Variants in TESPA1 observed in about 807,000 individuals in gnomAD.
TESPA1 encodes thymocyte expressed, positive selection associated 1.
In TESPA1, 33 loss-of-function variants were observed where a neutral mutation model predicts 57.9. The ratio of observed to expected loss-of-function variants is 0.57; its 90% CI spans 0.43 to 0.76. The LOEUF is 0.76. Among genes scored for constraint, TESPA1 ranks in the 30% least tolerant of loss-of-function variants. TESPA1 has a pLI of 0.00. For missense variants in TESPA1, 618 were observed against 632.9 expected, an observed-to-expected ratio of 0.98 and a Z score of 0.25; for synonymous variants, 227 against 228.9, an observed-to-expected ratio of 0.99 and a Z score of 0.07.
chr12:54,950,543 G>A (rs1402258207), intron 10 of TESPA1, among the ~76,000 whole-genome samples, 153 bp from the exon 11 acceptor site: 3 of 152,208 alleles, frequency 2.0e-5, no homozygotes, highest in Non-Finnish European at 4.4e-5. Context: ...AAAGAGTCAT[G>A]TGACTTGGGG....
At chr12:54,982,762 G>A (rs191763107) in intron 1 of TESPA1, among the ~76,000 whole-genome samples, 10 of 152,302 alleles carry the variant, frequency 6.6e-5, no homozygotes, top group African/African-American at 1.2e-4. Context: ...CTGTGAATTC[G>A]TATCTTTAAT....
intron 3 of TESPA1, 184 bp from the exon 4 acceptor site, chr12:54,968,076 TG>T: frequency 2.1e-6 from 3 of 1,437,302 alleles, no homozygotes; most frequent in Non-Finnish European, 2.8e-6. Flanking sequence ...TAGAAGTAGT[TG>T]GGGAAACTGG....
Position 54,949,481 on chromosome 12 carries a change from T to C in TESPA1, c.*911A>G, listed in dbSNP as rs1442576519. 2.6e-5 allele frequency: 4 copies of C among 152,024 alleles called. No individual in the cohort carries two copies. The highest frequency in any genetic ancestry group is 9.7e-5 in the African/African-American group (4 of 41,382). The allele number at this position is 152,024 out of a possible 1,614,324, so 9.4% of individuals were successfully genotyped here. On this transcript the variant is annotated 3_prime_UTR_variant, in exon 11 of 11. Transcript: ENST00000449076. ...ACTTCTCCCATTCTATTAATATTAA[T>C]ATTTTCTCAGGGGAGAAATGTGTCC...
rs1951963216 is a variant in TESPA1, at chr12:54,973,424, T to C, written c.206+53A>G. 8.7e-6 allele frequency: 14 copies of C among 1,612,446 alleles called. No homozygotes were observed. In the Admixed American group the frequency reaches 2.0e-4, roughly 23 times the overall value. Reference sequence around the variant, plus strand: ...CTGAGTTTCCAGGAGTTGTGTCTGTTAGCAAATTCAACCATCAGCCACATA... The same window carrying C: ...CTGAGTTTCCAGGAGTTGTGTCTGTCAGCAAATTCAACCATCAGCCACATA... On this transcript the variant is annotated intron_variant, in intron 3 of 10. Transcript: ENST00000449076.
chr12:54,966,488 C>T (rs757017645), intron 5 of TESPA1, 64 bp from the exon 6 acceptor site: 2 of 1,568,554 alleles, frequency 1.3e-6, no homozygotes, highest in Non-Finnish European at 1.7e-6. Context: ...CCTGTGTTGC[C>T]CCTCTGAACC....
At chr12:54,981,570 T>C (rs1320269238) in intron 1 of TESPA1, among the ~76,000 whole-genome samples, 1 of 139,896 alleles carries the variant, frequency 7.1e-6, no homozygotes, top group Non-Finnish European at 1.5e-5. Flanking sequence ...TAAAGTATAA[T>C]ATATTAAAAA....
chr12:54,954,796 C>CTG (rs1950630021), intron 10 of TESPA1, among the ~76,000 whole-genome samples: 1 of 152,184 alleles, frequency 6.6e-6, no homozygotes, highest in African/African-American at 2.4e-5. Context: ...TAATATTTCA[C>CTG]TGTATATATA....
chr12:54,970,411 T>G (rs1256247659), intron 3 of TESPA1, among the ~76,000 whole-genome samples: 1 of 152,234 alleles, frequency 6.6e-6, no homozygotes, highest in African/African-American at 2.4e-5. Context: ...CTTGTATTCA[T>G]TGGATACAAG....
At chr12:54,968,968 T>C (rs796468854) in intron 3 of TESPA1, among the ~76,000 whole-genome samples, 7 of 148,866 alleles carry the variant, frequency 4.7e-5, no homozygotes, top group African/African-American at 1.7e-4. Context: ...CAAATATCTG[T>C]AGGTCAAGTT....
intron 1 of TESPA1, among the ~76,000 whole-genome samples, chr12:54,977,356 A>T (rs1952172745): frequency 6.6e-6 from 1 of 152,190 alleles, no homozygotes; most frequent in South Asian, 2.1e-4. Context: ...GCAAAACAGT[A>T]ACAATAAGCT....
Position 54,949,723 on chromosome 12 carries a change from A to C in TESPA1, c.*669T>G, listed in dbSNP as rs1394661488. Reference sequence around the variant, plus strand: ...GGAGAAGAGACTCTGAATCCTACTTATCTCTTTTTCTATAAAGATGCAAAA... The same window carrying C: ...GGAGAAGAGACTCTGAATCCTACTTCTCTCTTTTTCTATAAAGATGCAAAA... On this transcript the variant is annotated 3_prime_UTR_variant, in exon 11 of 11. Transcript: ENST00000449076. The C allele has an allele frequency of 6.6e-6, 1 of 152,578 alleles. No individual in the cohort carries two copies. Among genetic ancestry groups the C allele is most frequent in the Non-Finnish European group, 1.5e-5 (1 of 68,040 alleles). The allele number at this position is 152,578 out of a possible 1,614,324, so 9.5% of individuals were successfully genotyped here. A position where few individuals can be genotyped will look rare whatever the true frequency, so the allele number is the denominator to read the frequency against.
In TESPA1 at chr12:54,974,450, T is replaced by G; in HGVS notation, c.113A>C (p.Gln38Pro). 6.2e-7 allele frequency: 1 copy of G among 1,610,400 alleles called. No homozygotes were observed. The highest frequency in any genetic ancestry group is 8.5e-7 in the Non-Finnish European group (1 of 1,178,416). The change falls in exon 2 of 11, where the codon CAG (glutamine) becomes CCG (proline). Residue 38 changes from glutamine (Q) to proline (P), a missense_variant. Gln to Pro is a moderately conservative substitution (Grantham distance 76). Transcript: ENST00000449076. ...VLEEEAAAALQDVPDPEPSSL... is the reference protein window; with the variant it reads ...VLEEEAAAALPDVPDPEPSSL... ...GGAAGGCTCAGGATCTGGGACATCC[T>G]GCAGGGCGGCGGCAGCCTCCTCTTC...
At chr12:54,967,356 A>G (rs1951507838) in intron 4 of TESPA1, 120 bp from the exon 5 acceptor site, 2 of 1,100,392 alleles carry the variant, frequency 1.8e-6, no homozygotes, top group Non-Finnish European at 2.7e-6. Flanking sequence ...GCACAACCAG[A>G]TAATCATACT....
chr12:54,976,463 G>A (rs533609020), intron 1 of TESPA1, among the ~76,000 whole-genome samples: 5 of 150,068 alleles, frequency 3.3e-5, no homozygotes, highest in South Asian at 2.2e-4. Flanking sequence ...ATTTTTGGTC[G>A]TAGAACTCAA....
rs1235140220 is a variant in TESPA1, at chr12:54,963,088, C to A, written c.810G>T (p.Leu270=). ...GTGACTGGGGTTCAGGCTCTCGGGA[C>A]AGAATCCTGATGGATGGCACATCAG... The part of the protein sequence containing the change: ...HPTDVPSIRI[L]SREPEPQSPR... The change falls in exon 9 of 11, where the codon CTG becomes CTT. Residue 270 remains leucine, a synonymous_variant. Transcript: ENST00000449076. The A allele has an allele frequency of 6.2e-7, 1 of 1,613,822 alleles. No homozygotes were observed. The highest frequency in any genetic ancestry group is 1.3e-5 in the African/African-American group (1 of 74,906).
chr12:54,949,362 C>CAAG lies in TESPA1; in HGVS notation c.*1027_*1029dup, dbSNP rs1039647153. The CAAG allele has an allele frequency of 7.2e-5, 10 of 138,350 alleles. No individual in the cohort carries two copies. The highest frequency in any genetic ancestry group is 1.5e-4 in the Non-Finnish European group (10 of 65,108). The allele number at this position is 138,350 out of a possible 1,614,324, so 8.6% of individuals were successfully genotyped here. A position where few individuals can be genotyped will look rare whatever the true frequency, so the allele number is the denominator to read the frequency against. On this transcript the variant is annotated 3_prime_UTR_variant, in exon 11 of 11. Transcript: ENST00000449076. Reference sequence around the variant, plus strand: ...GGTTATGATTTCCCTCAAATTCCCTCAAGTCCCTCTCTTCCTGTTTTTTTT... The same window carrying CAAG: ...GGTTATGATTTCCCTCAAATTCCCTCAAGAAGTCCCTCTCTTCCTGTTTTTTTT...
Position 54,973,596 on chromosome 12 carries a change from C to T in TESPA1, c.164-77G>A. On this transcript the variant is annotated intron_variant, in intron 2 of 10. Transcript: ENST00000449076. The stretch of plus-strand genomic sequence containing the variant: ...CCTCCCTGCAACTAATTCCATTCCA[C>T]AAGTTTATTCTTACATAAGCTGCGT... 2.5e-6 allele frequency: 4 copies of T among 1,609,718 alleles called. No individual in the cohort carries two copies. In the South Asian group the frequency reaches 3.3e-5, roughly 13 times the overall value.
intron 10 of TESPA1, among the ~76,000 whole-genome samples, chr12:54,959,808 AC>A (rs1165114466): frequency 2.0e-5 from 3 of 152,194 alleles, no homozygotes; most frequent in Non-Finnish European, 1.5e-5. Context: ...CTAGCTCCTA[AC>A]ATGCCAGACC....
At chr12:54,961,880 G>C (rs892573958) in intron 9 of TESPA1, among the ~76,000 whole-genome samples, 8 of 152,150 alleles carry the variant, frequency 5.3e-5, no homozygotes, top group Non-Finnish European at 1.2e-4. Flanking sequence ...TGCAGGCTCG[G>C]GTAACCAAAC....
Sources: allele counts gnomAD v4.1 joint callset (sites outside exome capture counted in the v4.1 genomes callset), GRCh38; gene constraint gnomAD v4.1.1; transcripts MANE v1.5; gene names NCBI Gene and HGNC (gene_info 2026-07-23, HGNC 2026-07-21).